The following MOXD1 variants were observed in gnomAD, a reference collection of about 807,000 sequenced individuals.
MOXD1 encodes monooxygenase DBH like 1.
In MOXD1, 62 loss-of-function variants were observed where a neutral mutation model predicts 66.6. The observed-to-expected ratio is 0.93, with a 90% CI of 0.76 to 1.15. The LOEUF (loss-of-function observed/expected upper bound fraction) is 1.15, where lower values mean the gene tolerates loss of function less well. Among genes scored for constraint, MOXD1 ranks in the 50% most tolerant of loss-of-function variants. The pLI is 0.00. For missense variants in MOXD1, 847 were observed against 754.6 expected, an observed-to-expected ratio of 1.12 and a Z score of -1.44; for synonymous variants, 303 against 281.9, an observed-to-expected ratio of 1.07 and a Z score of -0.75.
chr6:132,352,813 C>G (rs1775828635), intron 4 of MOXD1, among the ~76,000 whole-genome samples: 1 of 152,118 alleles, frequency 6.6e-6, no homozygotes, highest in Admixed American at 6.5e-5. Flanking sequence ...TTGAGAGCTC[C>G]AATGTTACGT....
intron 1 of MOXD1, among the ~76,000 whole-genome samples, chr6:132,397,795 C>T (rs968834797): frequency 1.3e-5 from 2 of 152,072 alleles, no homozygotes; most frequent in East Asian, 3.9e-4. Flanking sequence ...TCCTTTTTAA[C>T]AGTAATTCAC....
At chr6:132,394,653 T>G (rs966901276) in intron 1 of MOXD1, among the ~76,000 whole-genome samples, 1 of 151,952 alleles carries the variant, frequency 6.6e-6, no homozygotes, top group Admixed American at 6.5e-5. Flanking sequence ...ATTCTACAAC[T>G]GAAGAATTCA....
intron 6 of MOXD1, among the ~76,000 whole-genome samples, chr6:132,326,082 C>T (rs943904392): frequency 1.4e-4 from 21 of 152,004 alleles, no homozygotes; most frequent in Admixed American, 1.0e-3. Flanking sequence ...ATTCCAGTTG[C>T]ATTTTGTATA....
At chr6:132,347,253 G>A (rs538210985) in intron 4 of MOXD1, among the ~76,000 whole-genome samples, 2 of 152,312 alleles carry the variant, frequency 1.3e-5, no homozygotes, top group African/African-American at 2.4e-5. Flanking sequence ...CATTCTCCGG[G>A]TGACTGATTG....
At chr6:132,378,889 T>C (rs1475716710) in intron 1 of MOXD1, among the ~76,000 whole-genome samples, 1 of 101,694 alleles carries the variant, frequency 9.8e-6, no homozygotes, top group East Asian at 2.5e-4. Flanking sequence ...TTTTTTTTTT[T>C]TTTTTTTTTT....
chr6:132,312,039 G>T (rs1774841621), intron 10 of MOXD1, among the ~76,000 whole-genome samples: 1 of 151,912 alleles, frequency 6.6e-6, no homozygotes, highest in Non-Finnish European at 1.5e-5. Flanking sequence ...TGCATATTCA[G>T]TCTTGATTTA....
intron 1 of MOXD1, among the ~76,000 whole-genome samples, chr6:132,395,285 C>A (rs1224872261): frequency 3.3e-5 from 5 of 152,024 alleles, no homozygotes; most frequent in Admixed American, 6.6e-5. Flanking sequence ...TAGACCAGAT[C>A]TATAAGAAAT....
chr6:132,384,265 CCTT>C (rs1776574946), intron 1 of MOXD1, among the ~76,000 whole-genome samples: 1 of 120,786 alleles, frequency 8.3e-6, no homozygotes, highest in Non-Finnish European at 1.7e-5. Flanking sequence ...TTCCTTCCTT[CCTT>C]CCTTCCTTCC....
intron 4 of MOXD1, among the ~76,000 whole-genome samples, chr6:132,359,706 T>C (rs768457720): frequency 6.6e-6 from 1 of 151,738 alleles, no homozygotes; most frequent in Non-Finnish European, 1.5e-5. Context: ...CAGGATGGTC[T>C]CCATCTCCTG....
chr6:132,401,403 C>A lies in MOXD1; in HGVS notation c.24G>T (p.Leu8=). 6.6e-7 allele frequency: 1 copy of A among 1,522,284 alleles called. No individual in the cohort carries two copies. The highest frequency in any genetic ancestry group is 8.8e-7 in the Non-Finnish European group (1 of 1,141,026). The allele number at this position is 1,522,284 out of a possible 1,614,324, so 94.3% of individuals were successfully genotyped here. Residue 8 remains leucine, a synonymous_variant, in exon 1 of 12, where the codon CTG becomes CTT. Coordinates refer to ENST00000367963, the MANE Select transcript of MOXD1 (RefSeq NM_015529.4). Reference sequence around the variant, plus strand: ...CCGTCCCGGGGAGCAGCCCCCACAGCAGGAGCAGCGGCCAGCAGCACATCC... The same window carrying A: ...CCGTCCCGGGGAGCAGCCCCCACAGAAGGAGCAGCGGCCAGCAGCACATCC... MCCWPLL[L]LWGLLPGTAA...
intron 1 of MOXD1, among the ~76,000 whole-genome samples, chr6:132,375,864 T>G (rs181481402): frequency 3.3e-5 from 5 of 152,326 alleles, no homozygotes; most frequent in African/African-American, 4.8e-5. Context: ...GCTTAAGTTT[T>G]AACATTACTA....
intron 10 of MOXD1, among the ~76,000 whole-genome samples, chr6:132,305,869 T>C (rs537488962): frequency 6.6e-6 from 1 of 152,216 alleles, no homozygotes; most frequent in African/African-American, 2.4e-5. Context: ...GTCAGCAGCC[T>C]TGAATACCAA....
At chr6:132,324,746 G>T (rs1775151917) in intron 6 of MOXD1, among the ~76,000 whole-genome samples, 1 of 152,114 alleles carries the variant, frequency 6.6e-6, no homozygotes, top group South Asian at 2.1e-4. Flanking sequence ...GAGAGTATGA[G>T]CCCCAAACAT....
intron 1 of MOXD1, among the ~76,000 whole-genome samples, chr6:132,397,691 AAAG>A (rs202138396): frequency 0.051 from 6,695 of 131,752 alleles, 173 homozygotes; most frequent in Non-Finnish European, 0.058. Context: ...AGAAAGAAAG[AAAG>A]AAAGAAAAAG....
At chr6:132,327,713 T>G (rs1775218584) in intron 6 of MOXD1, among the ~76,000 whole-genome samples, 1 of 152,152 alleles carries the variant, frequency 6.6e-6, no homozygotes, top group Non-Finnish European at 1.5e-5. Flanking sequence ...CTAATCTACA[T>G]CACAAAGGAA....
chr6:132,367,479 A>C (rs1233876552), intron 4 of MOXD1, among the ~76,000 whole-genome samples: 3 of 152,064 alleles, frequency 2.0e-5, no homozygotes, highest in Admixed American at 6.6e-5. Flanking sequence ...AGGCACAGAG[A>C]GGTAAATTGA....
chr6:132,327,511 A>G (rs1222890130), intron 6 of MOXD1, among the ~76,000 whole-genome samples: 4 of 152,238 alleles, frequency 2.6e-5, no homozygotes, highest in Admixed American at 2.0e-4. Flanking sequence ...GATTTCAGAA[A>G]CAAAATGTAC....
In MOXD1 at chr6:132,352,821, C is replaced by T. The variant is rs147983475; in HGVS notation, c.663+19787G>A. Among the ~76,000 whole-genome samples the T allele has an allele frequency of 2.5e-3, 385 of 152,170 alleles. 1 individual carries two copies. The highest frequency in any genetic ancestry group is 8.2e-3 in the African/African-American group (342 of 41,538). ...TACAATTTTGAGAGCTCCAATGTTA[C>T]GTGCATGTATGTTTAGGATTGTGAT... On this transcript the variant is annotated intron_variant, in intron 4 of 11. Coordinates refer to ENST00000367963, the MANE Select transcript of MOXD1 (RefSeq NM_015529.4).
At chr6:132,377,235 C>T (rs1193118871) in intron 1 of MOXD1, among the ~76,000 whole-genome samples, 3 of 152,140 alleles carry the variant, frequency 2.0e-5, no homozygotes, top group African/African-American at 7.2e-5. Flanking sequence ...TGAAATACTC[C>T]TGTGAGTCTG....
Sources: gnomAD v4.1 joint callset for allele counts (sites outside exome capture counted in the v4.1 genomes callset) on GRCh38, gnomAD v4.1.1 for gene constraint, MANE v1.5 for transcripts, NCBI Gene and HGNC (gene_info 2026-07-23, HGNC 2026-07-21) for gene names.